The following GAD2 variants were observed in gnomAD, a reference collection of about 807,000 sequenced individuals.
GAD2 encodes the protein 65 kDa glutamic acid decarboxylase.
In GAD2, 22 loss-of-function variants were observed where a neutral mutation model predicts 80.1. The ratio of observed to expected loss-of-function variants is 0.27; its 90% CI spans 0.20 to 0.39. The LOEUF (loss-of-function observed/expected upper bound fraction) is 0.39. Among genes scored for constraint, GAD2 ranks in the 10% least tolerant of loss-of-function variants. The pLI, the probability that GAD2 is intolerant of heterozygous loss-of-function variation, is 1.00. For missense variants in GAD2, 624 were observed against 738.4 expected (o/e 0.85, Z 1.80); for synonymous variants, 274 against 256.9 (o/e 1.07, Z -0.64).
chr10:26,273,407 C>T (rs8190728), intron 10 of GAD2, among the ~76,000 whole-genome samples: 5 of 152,152 alleles, frequency 3.3e-5, no homozygotes, highest in Non-Finnish European at 7.3e-5. Flanking sequence ...TTCTACGGAC[C>T]AGGAGCTATG....
rs575617728 is a variant in GAD2 at position 26,292,467 on chromosome 10, G to T, written c.1389G>T (p.Gly463=). The T allele has an allele frequency of 9.9e-6, 16 of 1,612,714 alleles. No individual in the cohort carries two copies. The Admixed American group carries it at 2.7e-4, about 27-fold the overall frequency. The change falls in exon 14 of 16, where the codon GGG becomes GGT. Residue 463 remains glycine, a splice_region_variant and synonymous_variant. Transcript: ENST00000376261. The part of the protein sequence containing the change: ...FKLWLMWRAK[G]TTGFEAHVDK... Reference sequence around the variant, plus strand: ...AGCTGTGTCCTTCTCTTACCTAGGGGACTACCGGGTTTGAAGCGCATGTTG... The same window carrying T: ...AGCTGTGTCCTTCTCTTACCTAGGGTACTACCGGGTTTGAAGCGCATGTTG...
chr10:26,223,496 T>C (rs1361830780), intron 4 of GAD2, among the ~76,000 whole-genome samples: 6 of 152,208 alleles, frequency 3.9e-5, no homozygotes, highest in Non-Finnish European at 8.8e-5. Context: ...AGAAGTTACC[T>C]GTCTGAATGG....
At chr10:26,300,537 G>T (rs1004910089) in intron 15 of GAD2, among the ~76,000 whole-genome samples, 1 of 152,038 alleles carries the variant, frequency 6.6e-6, no homozygotes, top group African/African-American at 2.4e-5. Flanking sequence ...TAACTGGAAA[G>T]TCAAGGACAA....
intron 10 of GAD2, among the ~76,000 whole-genome samples, chr10:26,273,014 T>A (rs1175839848): frequency 6.6e-6 from 1 of 152,228 alleles, no homozygotes; most frequent in Non-Finnish European, 1.5e-5. Flanking sequence ...TCCAAATGAA[T>A]CTCCATCTTG....
At chr10:26,283,102 A>G (rs926606033) in intron 12 of GAD2, among the ~76,000 whole-genome samples, 2 of 152,234 alleles carry the variant, frequency 1.3e-5, no homozygotes, top group African/African-American at 2.4e-5. Context: ...AGGAAAATAG[A>G]AAGATTTGGA....
Position 26,301,358 on chromosome 10 carries a change from T to A in GAD2, c.*397T>A, listed in dbSNP as rs1258145536. The stretch of plus-strand genomic sequence containing the variant: ...AAGGACAAAGTAAATATAAAATATA[T>A]GTTGACAATAAAAACTCTTGCCTTT... On this transcript the variant is annotated 3_prime_UTR_variant, in exon 16 of 16. Transcript: ENST00000376261. 2 of 153,368 alleles carry A rather than the reference T, an allele frequency of 1.3e-5. No homozygotes were observed. Among genetic ancestry groups the A allele is most frequent in the Non-Finnish European group, 2.9e-5 (2 of 68,854 alleles). The allele number at this position is 153,368 out of a possible 1,614,324, so 9.5% of individuals were successfully genotyped here.
rs1050423563 is a variant in GAD2, at chr10:26,301,676, G to GT, written c.*717dup. On this transcript the variant is annotated 3_prime_UTR_variant, in exon 16 of 16. Coordinates refer to ENST00000376261, the MANE Select transcript of GAD2 (RefSeq NM_001134366.2). The stretch of plus-strand genomic sequence containing the variant: ...GGTATTATTGCTTCTTTCTATACAT[G>GT]TTATGGCTTATCACATCTCTAAAGT... The GT allele has an allele frequency of 1.1e-4, 16 of 151,988 alleles. No homozygotes were observed. Among genetic ancestry groups the GT allele is most frequent in the Admixed American group, 4.6e-4 (7 of 15,240 alleles). 9.4% of individuals were successfully genotyped at this position (151,988 alleles called of 1,614,324 possible).
chr10:26,225,511 G>A (rs1265295227), intron 6 of GAD2, among the ~76,000 whole-genome samples: 3 of 152,226 alleles, frequency 2.0e-5, no homozygotes, highest in African/African-American at 7.2e-5. Flanking sequence ...CACTGAGACA[G>A]GACCCACCTG....
intron 7 of GAD2, among the ~76,000 whole-genome samples, chr10:26,241,969 A>T (rs1289845328): frequency 6.6e-6 from 1 of 151,434 alleles, no homozygotes; most frequent in Non-Finnish European, 1.5e-5. Flanking sequence ...CACTGGTTCC[A>T]TTTGTTTGTT....
Position 26,216,923 on chromosome 10 carries a change from T to C in GAD2, c.76+38T>C, listed in dbSNP as rs779718562. Reference sequence around the variant, plus strand: ...ACGGGGGCCTGCGGCGGGCGAGTTTTGCGGTGGTCTGGGGTTTGCGGAACT... The same window carrying C: ...ACGGGGGCCTGCGGCGGGCGAGTTTCGCGGTGGTCTGGGGTTTGCGGAACT... On this transcript the variant is annotated intron_variant, in intron 1 of 15. Coordinates refer to ENST00000376261, the MANE Select transcript of GAD2 (RefSeq NM_001134366.2). The surrounding 1 kb of genome is among the most constrained non-coding windows in gnomAD (Gnocchi z 4.7). The C allele has an allele frequency of 1.3e-6, 2 of 1,571,810 alleles. No homozygotes were observed. The highest frequency in any genetic ancestry group is 3.4e-5 in the Admixed American group (2 of 59,084).
chr10:26,300,639 A>G lies in GAD2; in HGVS notation c.1585-149A>G, dbSNP rs375994533. The G allele has an allele frequency of 9.3e-5, 64 of 686,770 alleles. 2 individuals are homozygous for G. The highest frequency in any genetic ancestry group is 4.2e-4 in the East Asian group (17 of 40,046). The allele number at this position is 686,770 out of a possible 1,614,324, so 42.5% of individuals were successfully genotyped here. On this transcript the variant is annotated intron_variant, in intron 15 of 15. Transcript: ENST00000376261. ...TAGACTGTTCTAATTCTCTGATCCC[A>G]AGAAAACTTGGAGGTAACTCTTTCA...
chr10:26,245,644 A>G (rs1169717331), intron 7 of GAD2, among the ~76,000 whole-genome samples: 2 of 151,678 alleles, frequency 1.3e-5, no homozygotes, highest in Admixed American at 6.6e-5. Flanking sequence ...GGGTTTGACT[A>G]TGTTGGCCAG....
intron 11 of GAD2, among the ~76,000 whole-genome samples, chr10:26,276,175 A>G (rs1845199653): frequency 6.6e-6 from 1 of 151,942 alleles, no homozygotes; most frequent in Non-Finnish European, 1.5e-5. Flanking sequence ...AAAAATAAAA[A>G]TAAAAATAAA....
intron 7 of GAD2, among the ~76,000 whole-genome samples, chr10:26,243,494 G>T (rs745698201): frequency 9.2e-5 from 14 of 152,232 alleles, no homozygotes; most frequent in Non-Finnish European, 1.8e-4. Flanking sequence ...GTAGTTAATA[G>T]TAAGAGGCTG....
chr10:26,267,758 C>T (rs74126406), intron 8 of GAD2, among the ~76,000 whole-genome samples: 95 of 151,884 alleles, frequency 6.3e-4, no homozygotes, highest in African/African-American at 2.3e-3. Flanking sequence ...TGTCACGCCT[C>T]CTTTATTGGC....
chr10:26,290,469 G>A (rs1032533559), intron 13 of GAD2, among the ~76,000 whole-genome samples: 3 of 152,164 alleles, frequency 2.0e-5, no homozygotes, highest in East Asian at 1.9e-4. Context: ...GCCATTCCAC[G>A]GAGTGGTTGA....
At chr10:26,274,027 G>T (rs1458134869) in intron 11 of GAD2, among the ~76,000 whole-genome samples, 4 of 152,054 alleles carry the variant, frequency 2.6e-5, no homozygotes, top group African/African-American at 9.7e-5. Context: ...AAACCTACAG[G>T]CAGCCCACGT....
chr10:26,244,375 T>C (rs1041760603), intron 7 of GAD2, among the ~76,000 whole-genome samples: 1 of 152,204 alleles, frequency 6.6e-6, no homozygotes, highest in African/African-American at 2.4e-5. Context: ...GTAATTCCAC[T>C]TCTAAGTATC....
chr10:26,266,890 A>G (rs1056816857), intron 8 of GAD2, among the ~76,000 whole-genome samples: 26 of 152,156 alleles, frequency 1.7e-4, no homozygotes, highest in Non-Finnish European at 2.9e-5. Context: ...TTGTTCTGGA[A>G]GCTTAGATTA....
Sources: gnomAD v4.1 joint callset for allele counts (sites outside exome capture counted in the v4.1 genomes callset) on GRCh38, gnomAD v4.1.1 for gene constraint, Gnocchi (gnomAD v3.1) non-coding constraint, MANE v1.5 for transcripts, NCBI Gene and HGNC (gene_info 2026-07-23, HGNC 2026-07-21) for gene names.